The following FERMT1 variants were observed in gnomAD, a reference collection of about 807,000 sequenced individuals.
FERMT1 encodes fermitin family homolog 1.
A neutral mutation model predicts 85.3 loss-of-function variants in FERMT1; 60 were observed. The observed-to-expected ratio is 0.70, with a 90% CI of 0.57 to 0.87. The LOEUF (loss-of-function observed/expected upper bound fraction) is 0.87. Ranked by LOEUF, FERMT1 falls within the 40% of genes least tolerant of loss-of-function variation. FERMT1 has a pLI of 0.00. For missense variants in FERMT1, 701 were observed against 818.9 expected (o/e 0.86, Z 1.76); for synonymous variants, 275 against 301.1 (o/e 0.91, Z 0.90).
chr20:6,094,839 C>T (rs1196210877), intron 9 of FERMT1, 100 bp downstream of exon 9: 2 of 791,650 alleles, frequency 2.5e-6, no homozygotes, highest in East Asian at 2.4e-5. Flanking sequence ...TACCTTTGAA[C>T]CATGAACCTG....
chr20:6,107,425 G>A (rs558963163), intron 6 of FERMT1, 107 bp downstream of exon 6: 15 of 661,218 alleles, frequency 2.3e-5, no homozygotes, highest in South Asian at 1.3e-4. Context: ...CTAAACAGGC[G>A]ATCACACAAA....
chr20:6,115,294 T>C (rs1451533090), intron 3 of FERMT1, among the ~76,000 whole-genome samples: 2 of 152,202 alleles, frequency 1.3e-5, no homozygotes, highest in African/African-American at 4.8e-5. Context: ...GGATACCAAA[T>C]CTATAAATAA....
chr20:6,119,381 A>G (rs1983199977), intron 2 of FERMT1, 23 bp downstream of exon 2: 2 of 1,613,014 alleles, frequency 1.2e-6, no homozygotes, highest in African/African-American at 1.3e-5. Context: ...ATACAGAGAA[A>G]CCGTAAAGCA....
At chr20:6,096,806 ATC>A in intron 8 of FERMT1, 94 bp downstream of exon 8, 65 of 1,036,092 alleles carry the variant, frequency 6.3e-5, no homozygotes, top group Middle Eastern at 2.5e-4. Flanking sequence ...TTTTTTCAAA[ATC>A]AGATGAAATA....
At position 6,118,716 on chromosome 20, in the gene FERMT1, T is replaced by C. The variant is rs543234491; in HGVS notation, c.151+688A>G. On this transcript the variant is annotated intron_variant, in intron 2 of 14. Transcript: ENST00000217289. ...AAGGTGAAGAGTGTAACCCTGAAGA[T>C]TTCTTTCTTTGTTTAAACAGGGAGC... Among the ~76,000 whole-genome samples, 59 of 152,262 alleles carry C rather than the reference T, an allele frequency of 3.9e-4. 2 individuals are homozygous for C. Among genetic ancestry groups the C allele is most frequent in the African/African-American group, 1.4e-3 (57 of 41,538 alleles).
intron 9 of FERMT1, 26 bp from the exon 10 acceptor site, chr20:6,089,115 T>C: frequency 6.2e-7 from 1 of 1,606,708 alleles, no homozygotes; most frequent in Non-Finnish European, 8.5e-7. Flanking sequence ...TAGTGAATGT[T>C]TAAACCACCA....
At chr20:6,077,460 A>C in intron 14 of FERMT1, 114 bp from the exon 15 acceptor site, 2 of 928,926 alleles carry the variant, frequency 2.2e-6, no homozygotes, top group South Asian at 2.8e-5. Flanking sequence ...TAACAGATGG[A>C]TATCCCTCTA....
At chr20:6,096,632 C>T (rs1488094314) in intron 8 of FERMT1, among the ~76,000 whole-genome samples, 1 of 152,134 alleles carries the variant, frequency 6.6e-6, no homozygotes, top group Non-Finnish European at 1.5e-5. Context: ...GAGCCCTCAG[C>T]AGTGGCTCCT....
intron 6 of FERMT1, among the ~76,000 whole-genome samples, chr20:6,100,328 GT>G: frequency 6.6e-6 from 1 of 152,214 alleles, no homozygotes; most frequent in Middle Eastern, 3.4e-3. Flanking sequence ...ACTATGCTAA[GT>G]GAAAAAAATT....
intron 4 of FERMT1, among the ~76,000 whole-genome samples, chr20:6,112,164 C>T (rs1252900956): frequency 2.0e-5 from 3 of 152,142 alleles, no homozygotes; most frequent in African/African-American, 7.2e-5. Context: ...GCATGAGGCA[C>T]CGTGACCAGC....
rs918362639 is a variant in FERMT1 at position 6,097,576 on chromosome 20, A to T, written c.905T>A (p.Leu302Ter). ...LYEQARWAIL[L>*]EEIDCTEEEM... ...TTCCTCTGTGCAATCAATTTCTTCT[A>T]AGAGAATGGCCCACCTGGCTTGCTC... is the stretch of plus-strand genomic sequence containing the variant. The change falls in exon 7 of 15, where the codon TTA (leucine) becomes TAA (stop). Residue 302 changes from leucine to a stop codon, truncating the protein, a stop_gained. Transcript: ENST00000217289. LOFTEE classifies it high-confidence loss of function. The T allele has an allele frequency of 4.3e-6, 7 of 1,614,100 alleles. No homozygotes were observed. Among genetic ancestry groups the T allele is most frequent in the Non-Finnish European group, 5.9e-6 (7 of 1,179,988 alleles).
chr20:6,090,966 C>A (rs1472050234), intron 9 of FERMT1, among the ~76,000 whole-genome samples: 4 of 151,756 alleles, frequency 2.6e-5, no homozygotes, highest in African/African-American at 9.7e-5. Context: ...GAGTTTGAGA[C>A]CAGTCTGGCC....
chr20:6,078,945 C>T (rs1981917682), intron 14 of FERMT1, among the ~76,000 whole-genome samples: 1 of 152,152 alleles, frequency 6.6e-6, no homozygotes, highest in African/African-American at 2.4e-5. Flanking sequence ...TCACTATGGA[C>T]CTCACTTTCT....
Position 6,075,559 on chromosome 20 carries a change from G to A in FERMT1, c.*1614C>T, listed in dbSNP as rs1246635824. The A allele has an allele frequency of 6.6e-6, 1 of 152,334 alleles. No individual in the cohort carries two copies. Among genetic ancestry groups the A allele is most frequent in the African/African-American group, 2.4e-5 (1 of 41,436 alleles). 9.4% of individuals were successfully genotyped at this position (152,334 alleles called of 1,614,324 possible). On this transcript the variant is annotated 3_prime_UTR_variant, in exon 15 of 15. Transcript: ENST00000217289. ...CTTCATTCACATTCACCTCTAAGGA[G>A]AGGCTAAAAGAGGAATTTCCAGATG...
At chr20:6,112,219 G>C (rs773260270) in intron 4 of FERMT1, among the ~76,000 whole-genome samples, 1 of 151,932 alleles carries the variant, frequency 6.6e-6, no homozygotes, top group Non-Finnish European at 1.5e-5. Flanking sequence ...CCAAATTTGT[G>C]GTCAGTGGTA....
chr20:6,116,136 A>G, intron 2 of FERMT1, 92 bp from the exon 3 acceptor site: 3 of 885,962 alleles, frequency 3.4e-6, no homozygotes, highest in Non-Finnish European at 5.5e-6. Flanking sequence ...GTGTGCGAAA[A>G]TGGAAACCAA....
At chr20:6,081,758 G>T (rs1281128926) in intron 13 of FERMT1, among the ~76,000 whole-genome samples, 1 of 152,100 alleles carries the variant, frequency 6.6e-6, no homozygotes, top group Non-Finnish European at 1.5e-5. Flanking sequence ...GATGCTGCAG[G>T]AGACAGAAAA....
intron 4 of FERMT1, 42 bp from the exon 5 acceptor site, chr20:6,110,553 G>T: frequency 7.0e-7 from 1 of 1,431,002 alleles, no homozygotes; most frequent in Non-Finnish European, 9.9e-7. Context: ...TGAGAATCCA[G>T]GGATATAAAT....
intron 10 of FERMT1, 101 bp downstream of exon 10, chr20:6,088,864 T>C (rs1600430683): frequency 8.6e-7 from 1 of 1,162,252 alleles, no homozygotes. Context: ...CCTCAGGTGA[T>C]CCGCCCGCCT....
Sources: allele counts gnomAD v4.1 joint callset (sites outside exome capture counted in the v4.1 genomes callset), GRCh38; gene constraint gnomAD v4.1.1; transcripts MANE v1.5; gene names NCBI Gene and HGNC (gene_info 2026-07-23, HGNC 2026-07-21).